Variants in SBF2 observed in about 807,000 individuals in gnomAD.
SBF2 encodes the protein myotubularin-related protein 13.
Under a neutral mutation model 225.2 loss-of-function variants are expected in SBF2, and 112 were observed. The observed-to-expected ratio is 0.50, with a 90% CI of 0.43 to 0.58. The LOEUF is 0.58. Among genes scored for constraint, SBF2 ranks in the 20% least tolerant of loss-of-function variants. The probability of loss-of-function intolerance (pLI) is 0.00; values close to 1 mark genes in which losing one functional copy is unlikely to be tolerated. For missense variants in SBF2, 1,996 were observed against 2,206.2 expected (o/e 0.90, Z 1.91); for synonymous variants, 763 against 773.3 (o/e 0.99, Z 0.22).
At position 9,850,214 on chromosome 11, in the gene SBF2, T is replaced by C. The variant is rs1372339194; in HGVS notation, c.2615A>G (p.Lys872Arg). 2 of 1,613,076 alleles carry C rather than the reference T, an allele frequency of 1.2e-6. No homozygotes were observed. Among genetic ancestry groups the C allele is most frequent in the Non-Finnish European group, 1.7e-6 (2 of 1,179,932 alleles). The change falls in exon 22 of 40, where the codon AAG becomes AGG. Residue 872 changes from lysine to arginine, a missense_variant. By Grantham distance (26) the Lys-to-Arg change is conservative. Transcript: ENST00000256190. ...SRRLPPIQKP[K>R]ILRPALLPGE... The stretch of plus-strand genomic sequence containing the variant: ...TGGCAGCAGAGCAGGTCTAAGAATC[T>C]TGGGCTTACAACAGAAAAAGATTGA...
chr11:10,108,351 T>C (rs1405240141), intron 2 of SBF2, among the ~76,000 whole-genome samples: 2 of 152,000 alleles, frequency 1.3e-5, no homozygotes, highest in Non-Finnish European at 2.9e-5. Context: ...CCTAAACAAA[T>C]ACTGGTGGAG....
At chr11:10,164,969 A>G (rs1330244398) in intron 2 of SBF2, 1 of 152,222 alleles carries the variant, frequency 6.6e-6, no homozygotes, top group East Asian at 1.9e-4. Flanking sequence ...ATAGTCATCC[A>G]AAACCTTGGA....
chr11:9,993,293 T>A (rs1205645068), intron 10 of SBF2, among the ~76,000 whole-genome samples, 190 bp from the exon 11 acceptor site: 1 of 152,232 alleles, frequency 6.6e-6, no homozygotes, highest in Non-Finnish European at 1.5e-5. Context: ...TTTATTGGAA[T>A]CACAGTTTAG....
At chr11:10,134,989 T>C (rs920368859) in intron 2 of SBF2, among the ~76,000 whole-genome samples, 9 of 152,242 alleles carry the variant, frequency 5.9e-5, no homozygotes, top group Admixed American at 5.2e-4. Context: ...GCAGAAGTTC[T>C]TCCTGAGGAC....
At chr11:9,829,569 T>C (rs1407691096) in intron 27 of SBF2, 73 bp from the exon 28 acceptor site, 3 of 1,247,870 alleles carry the variant, frequency 2.4e-6, no homozygotes, top group Non-Finnish European at 3.5e-6. Context: ...TCTATCTATC[T>C]ATCTACCTAT....
rs139722520 is a variant in SBF2 at position 9,899,713 on chromosome 11, G to A, written c.1861-3702C>T. On this transcript the variant is annotated intron_variant, in intron 16 of 39. Transcript: ENST00000256190. ...TAGTAGACTGAGGACTCTGAGATAC[G>A]TCTGGTAGTCAATATGGTCCCCATT... 5.7e-4 allele frequency among the ~76,000 whole-genome samples: 87 copies of A among 152,184 alleles called. 1 individual carries two copies. Among genetic ancestry groups the A allele is most frequent in the Middle Eastern group, 6.8e-3 (2 of 294 alleles).
At chr11:9,936,801 A>AG (rs1463903051) in intron 16 of SBF2, among the ~76,000 whole-genome samples, 1 of 151,960 alleles carries the variant, frequency 6.6e-6, no homozygotes, top group Non-Finnish European at 1.5e-5. Context: ...GGGGCCTGTC[A>AG]GGGGTGGGGG....
At chr11:10,089,983 A>G (rs1459769046) in intron 2 of SBF2, among the ~76,000 whole-genome samples, 1 of 152,232 alleles carries the variant, frequency 6.6e-6, no homozygotes, top group Non-Finnish European at 1.5e-5. Flanking sequence ...TAAGCACACA[A>G]TGAAATTTAT....
chr11:9,825,459 G>A (rs997611341), intron 28 of SBF2, among the ~76,000 whole-genome samples: 1 of 152,046 alleles, frequency 6.6e-6, no homozygotes, highest in Non-Finnish European at 1.5e-5. Flanking sequence ...ACTTTGTTAC[G>A]GTAGCCCTAG....
intron 2 of SBF2, among the ~76,000 whole-genome samples, chr11:10,114,332 T>C (rs979394226): frequency 2.0e-5 from 3 of 152,228 alleles, no homozygotes; most frequent in Non-Finnish European, 4.4e-5. Context: ...TTTCTTTAAT[T>C]TTGGAAAATA....
chr11:10,183,346 A>C (rs1956810075), intron 2 of SBF2, among the ~76,000 whole-genome samples: 2 of 152,162 alleles, frequency 1.3e-5, no homozygotes, highest in Admixed American at 6.5e-5. Flanking sequence ...TGTAGATCCA[A>C]GGGAAACTTC....
At chr11:10,146,331 G>A (rs538558886) in intron 2 of SBF2, among the ~76,000 whole-genome samples, 1 of 152,186 alleles carries the variant, frequency 6.6e-6, no homozygotes, top group African/African-American at 2.4e-5. Context: ...ATACTACAGG[G>A]CTACAGTAAC....
At chr11:10,102,238 G>A (rs1461694774) in intron 2 of SBF2, among the ~76,000 whole-genome samples, 1 of 152,190 alleles carries the variant, frequency 6.6e-6, no homozygotes, top group African/African-American at 2.4e-5. Flanking sequence ...TCTAGATAAG[G>A]CCTGGGAACA....
intron 16 of SBF2, among the ~76,000 whole-genome samples, chr11:9,914,914 G>A (rs950503043): frequency 9.2e-6 from 1 of 109,112 alleles, no homozygotes; most frequent in South Asian, 3.7e-4. Flanking sequence ...TAGTGGGGGG[G>A]GCTATAGATG....
At chr11:9,926,269 C>T (rs762360946) in intron 16 of SBF2, among the ~76,000 whole-genome samples, 64 of 151,822 alleles carry the variant, frequency 4.2e-4, no homozygotes, top group Non-Finnish European at 8.1e-4. Context: ...ACTTGCAAAC[C>T]TTTTTGTCAC....
chr11:10,184,145 AC>A (rs546326085), intron 2 of SBF2, among the ~76,000 whole-genome samples: 8 of 152,234 alleles, frequency 5.3e-5, no homozygotes, highest in Non-Finnish European at 1.0e-4. Context: ...AAAGGAAAAA[AC>A]AAAAAAGATA....
chr11:9,957,867 A>T (rs1323182605), intron 16 of SBF2: 1 of 152,022 alleles, frequency 6.6e-6, no homozygotes, highest in Non-Finnish European at 1.5e-5. Flanking sequence ...CCATCAGTTT[A>T]TACTAAGCTT....
At chr11:10,197,251 A>G (rs983064523) in intron 1 of SBF2, among the ~76,000 whole-genome samples, 3 of 152,154 alleles carry the variant, frequency 2.0e-5, no homozygotes, top group African/African-American at 7.2e-5. Context: ...AGTTCTTTCA[A>G]ACTGGTAGAG....
rs140928481 is a variant in SBF2, at chr11:9,934,346, G to T, written c.1860+27611C>A. On this transcript the variant is annotated intron_variant, in intron 16 of 39. Coordinates refer to ENST00000256190, the MANE Select transcript of SBF2 (RefSeq NM_030962.4). ...CAACAACAAAAAAAGTCCAGAAGCA[G>T]ACGGATTCACAACCGAATTCTACCA... Among the ~76,000 whole-genome samples the T allele has an allele frequency of 2.9e-4, 44 of 152,262 alleles. 1 individual carries two copies. The highest frequency in any genetic ancestry group is 9.6e-4 in the African/African-American group (40 of 41,548).
Sources: allele counts gnomAD v4.1 joint callset (sites outside exome capture counted in the v4.1 genomes callset), GRCh38; gene constraint gnomAD v4.1.1; transcripts MANE v1.5; gene names NCBI Gene and HGNC (gene_info 2026-07-23, HGNC 2026-07-21).